The following PNCK variants were observed in gnomAD, a reference collection of about 807,000 sequenced individuals.
PNCK encodes the protein calcium/calmodulin-dependent protein kinase type 1B.
PNCK carries 21 observed loss-of-function variants against 28.3 expected under a neutral mutation model. That is an observed-to-expected ratio of 0.74 (90% CI 0.53 to 1.07). The LOEUF is 1.07. Among genes scored for constraint, PNCK ranks in the 50% least tolerant of loss-of-function variants. The pLI is 0.00. For missense variants in PNCK, 250 were observed against 298.3 expected (o/e 0.84, Z 1.19); for synonymous variants, 136 against 125.2 (o/e 1.09, Z -0.58).
chrX:153,683,859 C>T (rs1269886514), intron 1 of PNCK, among the ~76,000 whole-genome samples: 1 of 111,579 alleles, frequency 9.0e-6, no homozygotes, highest in Non-Finnish European at 1.9e-5. Context: ...GTGGAGCCAT[C>T]TGGTAGTGAG....
At chrX:153,678,383 G>T (rs782578075), upstream of PNCK, among the ~76,000 whole-genome samples, 1 of 111,561 alleles carries the variant, frequency 9.0e-6, no homozygotes, top group Admixed American at 9.6e-5. Context: ...GAGCCTAGGA[G>T]GTCAAGGCTA....
chrX:153,679,566 C>CTTTTTTTTTTTTTTTTT (rs1211891003), upstream of PNCK, among the ~76,000 whole-genome samples: 1 of 46,091 alleles, frequency 2.2e-5, no homozygotes, highest in Non-Finnish European at 4.1e-5. Flanking sequence ...CTTTTCTTTT[C>CTTTTTTTTTTTTTTTTT]TTTTTTTTTT....
At chrX:153,684,314 A>G (rs1460162696) in intron 1 of PNCK, among the ~76,000 whole-genome samples, 1 of 112,318 alleles carries the variant, frequency 8.9e-6, no homozygotes, top group Non-Finnish European at 1.9e-5. Flanking sequence ...TACCCTCTCA[A>G]TCTATAAAAC....
At chrX:153,677,783 T>A (rs782235519), upstream of PNCK, among the ~76,000 whole-genome samples, 186 of 104,836 alleles carry the variant, frequency 1.8e-3, no homozygotes, top group African/African-American at 6.2e-3. Context: ...ATATATAGTG[T>A]GTATATAGTG....
At chrX:153,685,292 AG>A (rs1353647120) in intron 1 of PNCK, among the ~76,000 whole-genome samples, 1 of 110,987 alleles carries the variant, frequency 9.0e-6, no homozygotes, top group Non-Finnish European at 1.9e-5. Context: ...GGACCCAGCC[AG>A]GGATGGAAAT....
At chrX:153,682,835 C>T (rs1430738839) in intron 1 of PNCK, among the ~76,000 whole-genome samples, 1 of 112,506 alleles carries the variant, frequency 8.9e-6, no homozygotes, top group African/African-American at 3.2e-5. Context: ...CTAACTCCAG[C>T]GCCTATCCCA....
Position 153,670,809 on chromosome X carries a change from C to G in PNCK, c.829G>C (p.Asp277His), listed in dbSNP as rs1557039462. ...HLWISGDTAF[D>H]RDILGSVSEQ... is the part of the protein sequence containing the mutation. Reference sequence around the variant, plus strand: ...CTGACAGAGCCTAAGATGTCCCTGTCGAAGGCTGTGTCCCCAGAGATCCTG... The same window carrying G: ...CTGACAGAGCCTAAGATGTCCCTGTGGAAGGCTGTGTCCCCAGAGATCCTG... The change falls in exon 10 of 12, where the codon GAC becomes CAC. Residue 277 changes from aspartate to histidine, a missense_variant. Asp to His is a moderately conservative substitution (Grantham distance 81). Coordinates refer to ENST00000340888, the MANE Select transcript of PNCK (RefSeq NM_001366977.1). 8.3e-7 allele frequency: 1 copy of G among 1,210,138 alleles called. No individual in the cohort carries two copies. Among genetic ancestry groups the G allele is most frequent in the Non-Finnish European group, 1.1e-6 (1 of 894,805 alleles).
At chrX:153,683,309 T>G (rs1275903084) in intron 1 of PNCK, among the ~76,000 whole-genome samples, 1 of 110,216 alleles carries the variant, frequency 9.1e-6, no homozygotes, top group African/African-American at 3.3e-5. Flanking sequence ...CCTGGTTAAT[T>G]TTTTGTATTT....
At position 153,671,670 on chromosome X, in the gene PNCK, G is replaced by A. The variant is rs371661151; in HGVS notation, c.417C>T (p.Pro139=). 26 of 1,184,021 alleles carry A rather than the reference G, an allele frequency of 2.2e-5. No homozygotes were observed. The highest frequency in any genetic ancestry group is 1.2e-4 in the Admixed American group (5 of 43,387). ...SLGIVHRDLK[P]ENLLYATPFE... ...AGGGCGTGGCATACAGGAGGTTTTCGGGCTGTGACACACGGACACCGGGAA... is the reference window on the plus strand; with the variant it reads ...AGGGCGTGGCATACAGGAGGTTTTCAGGCTGTGACACACGGACACCGGGAA... Residue 139 remains proline (P), a splice_region_variant and synonymous_variant, in exon 6 of 12, where the codon CCC becomes CCT. Coordinates refer to ENST00000340888, the MANE Select transcript of PNCK (RefSeq NM_001366977.1).
intron 1 of PNCK, chrX:153,673,410 C>T (rs1364794202): frequency 9.6e-5 from 72 of 752,368 alleles, no homozygotes; most frequent in Non-Finnish European, 1.3e-4. Context: ...CCTCCCCCAT[C>T]CACACATCTA....
upstream of PNCK, among the ~76,000 whole-genome samples, chrX:153,677,891 T>C (rs2091377923): frequency 9.5e-6 from 1 of 105,406 alleles, no homozygotes; most frequent in Non-Finnish European, 1.9e-5. Context: ...TACATATAGA[T>C]AGATATGTAG....
chrX:153,670,271 A>G, intron 11 of PNCK, 141 bp from the exon 12 acceptor site: 18 of 631,688 alleles, frequency 2.8e-5, no homozygotes, highest in Non-Finnish European at 4.0e-5. Flanking sequence ...TCAAGCACCC[A>G]CTGGCCCTCC....
At position 153,672,726 on chromosome X, in the gene PNCK, G is replaced by A. The variant is rs1188556480; in HGVS notation, c.69-29C>T. ...CCGCAGACGGGGCGGTGGGAGGTGG[G>A]AAGGAAGTGGGAAGAGAGGAGAGGC... On this transcript the variant is annotated intron_variant, in intron 2 of 11. Coordinates refer to ENST00000340888, the MANE Select transcript of PNCK (RefSeq NM_001366977.1). The A allele has an allele frequency of 4.2e-6, 5 of 1,180,041 alleles. No homozygotes were observed. In the East Asian group the frequency reaches 1.5e-4, roughly 35 times the overall value.
At position 153,672,164 on chromosome X, in the gene PNCK, G is replaced by A. The variant is rs782777743; in HGVS notation, c.237C>T (p.Val79=). 2 of 1,207,506 alleles carry A rather than the reference G, an allele frequency of 1.7e-6. No individual in the cohort carries two copies. Among genetic ancestry groups the A allele is most frequent in the East Asian group, 5.9e-5 (2 of 33,807 alleles). The change falls in exon 4 of 12, where the codon GTC becomes GTT. Residue 79 remains valine (V), a synonymous_variant. Coordinates refer to ENST00000340888, the MANE Select transcript of PNCK (RefSeq NM_001366977.1). ...SHPNIVALED[V]HESPSHLYLA... is the part of the protein sequence containing the mutation. ...GGTAGAGGTGGGAAGGGCTCTCGTG[G>A]ACATCCTCCAGAGCGACGATGTTGG... is the stretch of plus-strand genomic sequence containing the variant.
chrX:153,673,089 AG>A lies in PNCK; in HGVS notation c.-2-12del. The A allele has an allele frequency of 8.4e-7, 1 of 1,184,594 alleles. No homozygotes were observed. The highest frequency in any genetic ancestry group is 1.7e-5 in the African/African-American group (1 of 57,298). Reference sequence around the variant, plus strand: ...TCAGCAGCAGCATGTCTGCAGGGGCAGGGGAGAGGTGATGGGGGTCTCTCCC... The same window carrying A: ...TCAGCAGCAGCATGTCTGCAGGGGCAGGGAGAGGTGATGGGGGTCTCTCCC... On this transcript the variant is annotated splice_polypyrimidine_tract_variant and intron_variant, in intron 1 of 11. Coordinates refer to ENST00000340888, the MANE Select transcript of PNCK (RefSeq NM_001366977.1).
At chrX:153,679,120 A>G (rs1231820092), upstream of PNCK, among the ~76,000 whole-genome samples, 1 of 111,668 alleles carries the variant, frequency 9.0e-6, no homozygotes, top group Non-Finnish European at 1.9e-5. Context: ...TCTTTAAGGA[A>G]AAAAAGGCTG....
intron 1 of PNCK, among the ~76,000 whole-genome samples, chrX:153,685,661 C>G (rs1343998530): frequency 2.7e-5 from 3 of 112,730 alleles, no homozygotes; most frequent in African/African-American, 9.6e-5. Context: ...AGGGCACAGC[C>G]CCATCACACT....
upstream of PNCK, among the ~76,000 whole-genome samples, chrX:153,675,863 C>G (rs2091362674): frequency 9.1e-6 from 1 of 110,289 alleles, no homozygotes; most frequent in African/African-American, 3.3e-5. Flanking sequence ...CACCCTCCGG[C>G]CTGGCAAGGT....
At chrX:153,672,094 C>T (rs200040969) in intron 4 of PNCK, 32 bp downstream of exon 4, 85 of 1,195,950 alleles carry the variant, frequency 7.1e-5, no homozygotes, top group East Asian at 8.9e-5. Context: ...AGTCCCTCCC[C>T]GGCTCCCACA....
Sources: gnomAD v4.1 joint callset for allele counts (sites outside exome capture counted in the v4.1 genomes callset) on GRCh38, gnomAD v4.1.1 for gene constraint, MANE v1.5 for transcripts, NCBI Gene and HGNC (gene_info 2026-07-23, HGNC 2026-07-21) for gene names.